COLGALT1: variants seen among roughly 807,000 people sequenced by gnomAD.
The protein encoded by COLGALT1 is collagen beta(1-O)galactosyltransferase 1.
COLGALT1 carries 43 observed loss-of-function variants against 60.8 expected under a neutral mutation model. That is an observed-to-expected ratio of 0.71 (90% CI 0.55 to 0.91). The LOEUF (loss-of-function observed/expected upper bound fraction) is 0.91, where lower values mean the gene tolerates loss of function less well. Ranked by LOEUF, COLGALT1 falls within the 40% of genes least tolerant of loss-of-function variation. The probability of loss-of-function intolerance (pLI) is 0.00; values close to 1 mark genes in which losing one functional copy is unlikely to be tolerated. For missense variants in COLGALT1, 845 were observed against 880.0 expected (o/e 0.96, Z 0.50); for synonymous variants, 369 against 374.2 (o/e 0.99, Z 0.16).
Position 17,577,412 on chromosome 19 carries a change from C to T in COLGALT1, c.1078C>T (p.Arg360Trp), listed in dbSNP as rs756974396. 9.9e-6 allele frequency: 15 copies of T among 1,507,600 alleles called. No homozygotes were observed. Among genetic ancestry groups the T allele is most frequent in the Middle Eastern group, 2.2e-4 (1 of 4,446 alleles). 93.4% of individuals were successfully genotyped at this position (1,507,600 alleles called of 1,614,324 possible). A position where few individuals can be genotyped will look rare whatever the true frequency, so the allele number is the denominator to read the frequency against. ...RRQDRRERML[R>W]ALQAQEIECR... ...GCAGGACCGGCGGGAGCGCATGCTG[C>T]GGGCGCTGCAGGCACAGGAGATCGA... is the stretch of plus-strand genomic sequence containing the variant. Residue 360 changes from arginine to tryptophan, a missense_variant, in exon 8 of 12, where the codon CGG (arginine) becomes TGG (tryptophan). Transcript: ENST00000252599.
chr19:17,581,679 T>C lies in COLGALT1; in HGVS notation c.*235T>C. On this transcript the variant is annotated 3_prime_UTR_variant, in exon 12 of 12. Transcript: ENST00000252599. ...GGGAATTGGGAGGAACCAAGCCCTC[T>C]TCATCTGTTCATGTGCCCAGCATTT... 1 of 584,788 alleles carries C rather than the reference T, an allele frequency of 1.7e-6. No individual in the cohort carries two copies. Among genetic ancestry groups the C allele is most frequent in the Non-Finnish European group, 3.0e-6 (1 of 330,744 alleles). The allele number at this position is 584,788 out of a possible 1,614,324, so 36.2% of individuals were successfully genotyped here. A position where few individuals can be genotyped will look rare whatever the true frequency, so the allele number is the denominator to read the frequency against.
chr19:17,572,539 C>T lies in COLGALT1; in HGVS notation c.886C>T (p.Arg296Cys), dbSNP rs536730145. 126 of 1,614,154 alleles carry T rather than the reference C, an allele frequency of 7.8e-5. 3 individuals carry two copies. The South Asian group carries it at 8.0e-4, about 10-fold the overall frequency. ...GTACGGATTCTTGCCAGTGCCATTG[C>T]GCGCCCACAGCACCCTCCAGGATGA... ...EEYGFLPVPL[R>C]AHSTLQDEAE... Residue 296 changes from arginine (R) to cysteine (C), a missense_variant, in exon 6 of 12, where the codon CGC (arginine) becomes TGC (cysteine). Coordinates refer to ENST00000252599, the MANE Select transcript of COLGALT1 (RefSeq NM_024656.4).
intron 9 of COLGALT1, 80 bp from the exon 10 acceptor site, chr19:17,579,402 C>T: frequency 5.0e-6 from 8 of 1,590,710 alleles, no homozygotes; most frequent in Non-Finnish European, 6.9e-6. Flanking sequence ...TCTTTCAAAC[C>T]TTCTCAAAGC....
intron 8 of COLGALT1, 148 bp downstream of exon 8, chr19:17,577,615 T>A: frequency 2.6e-6 from 2 of 761,596 alleles, no homozygotes; most frequent in Non-Finnish European, 4.1e-6. Context: ...GAAGGGGAAG[T>A]GAATGGGACC....
intron 3 of COLGALT1, among the ~76,000 whole-genome samples, chr19:17,562,036 A>T (rs1273132442): frequency 6.6e-6 from 1 of 152,098 alleles, no homozygotes; most frequent in African/African-American, 2.4e-5. Flanking sequence ...ATGCCTGGCT[A>T]ATTTTTGTAA....
intron 1 of COLGALT1, among the ~76,000 whole-genome samples, chr19:17,558,181 C>G (rs2076224910): frequency 6.6e-6 from 1 of 151,188 alleles, no homozygotes; most frequent in South Asian, 2.1e-4. Context: ...TCAAGTGATT[C>G]ACCCGCCTCG....
chr19:17,564,308 TATATAC>T (rs1156338956), intron 3 of COLGALT1, among the ~76,000 whole-genome samples: 4 of 151,366 alleles, frequency 2.6e-5, no homozygotes, highest in African/African-American at 9.7e-5. Flanking sequence ...CATATATACA[TATATAC>T]GTGTATATGT....
Position 17,582,712 on chromosome 19 carries a change from G to GGA in COLGALT1, c.*1268_*1269insGA, listed in dbSNP as rs2076392086. On this transcript the variant is annotated 3_prime_UTR_variant, in exon 12 of 12. Coordinates refer to ENST00000252599, the MANE Select transcript of COLGALT1 (RefSeq NM_024656.4). ...ATTCTTCCTGTACCCTCGGTCGTCT[G>GGA]AGCTGTGTGCAGACAACATCCCCCC... is the stretch of plus-strand genomic sequence containing the variant. 1 of 152,262 alleles carries GGA rather than the reference G, an allele frequency of 6.6e-6. No individual in the cohort carries two copies. Among genetic ancestry groups the GGA allele is most frequent in the Non-Finnish European group, 1.5e-5 (1 of 68,074 alleles). 9.4% of individuals were successfully genotyped at this position (152,262 alleles called of 1,614,324 possible). A position where few individuals can be genotyped will look rare whatever the true frequency, so the allele number is the denominator to read the frequency against.
rs1160878293 is a variant in COLGALT1 at position 17,578,025 on chromosome 19, A to G, written c.1202A>G (p.His401Arg). The G allele has an allele frequency of 6.2e-7, 1 of 1,611,540 alleles. No individual in the cohort carries two copies. The highest frequency in any genetic ancestry group is 2.2e-5 in the East Asian group (1 of 44,816). The change falls in exon 9 of 12, where the codon CAC (histidine) becomes CGC (arginine). Residue 401 changes from histidine to arginine, a missense_variant. Physicochemically the swap from His to Arg is conservative, Grantham distance 29 (BLOSUM62 0). Coordinates refer to ENST00000252599, the MANE Select transcript of COLGALT1 (RefSeq NM_024656.4). ...CTGCCTGGCTACCGGGACCCCTACC[A>G]CGGCCGGCCCCTCACCAAGGGTGAG... is the stretch of plus-strand genomic sequence containing the variant. ...QMLPGYRDPYHGRPLTKGELG... is the reference protein window; with the variant it reads ...QMLPGYRDPYRGRPLTKGELG...
intron 6 of COLGALT1, among the ~76,000 whole-genome samples, chr19:17,573,040 G>A (rs915756846): frequency 2.6e-5 from 4 of 152,102 alleles, no homozygotes; most frequent in Admixed American, 2.0e-4. Context: ...TTCCCCCTGA[G>A]GACAGTCAGG....
intron 9 of COLGALT1, among the ~76,000 whole-genome samples, chr19:17,578,707 G>A (rs2076360093): frequency 6.6e-6 from 1 of 152,142 alleles, no homozygotes; most frequent in Non-Finnish European, 1.5e-5. Flanking sequence ...GAGCAAAACC[G>A]TGTCTCAGAA....
At chr19:17,576,317 G>A (rs2076339972) in intron 6 of COLGALT1, among the ~76,000 whole-genome samples, 1 of 152,110 alleles carries the variant, frequency 6.6e-6, no homozygotes, top group African/African-American at 2.4e-5. Context: ...GTGGGAGTGG[G>A]GAGGGTGACC....
intron 3 of COLGALT1, among the ~76,000 whole-genome samples, chr19:17,562,525 G>A (rs1433374548): frequency 6.6e-6 from 1 of 152,118 alleles, no homozygotes; most frequent in Non-Finnish European, 1.5e-5. Context: ...AGCTTGGCAT[G>A]GTGATGCGCG....
Position 17,577,376 on chromosome 19 carries a change from C to T in COLGALT1, c.1042C>T (p.Leu348=). The stretch of plus-strand genomic sequence containing the variant: ...CGGGCTGCAGGTCTTCATGATCAAC[C>T]TGAGGCGGCGGCAGGACCGGCGGGA... ...MGFDEVFMIN[L]RRRQDRRERM... is the part of the protein sequence containing the mutation. Residue 348 remains leucine (L), a synonymous_variant, in exon 8 of 12, where the codon CTG becomes TTG. Coordinates refer to ENST00000252599, the MANE Select transcript of COLGALT1 (RefSeq NM_024656.4). 3 of 1,597,792 alleles carry T rather than the reference C, an allele frequency of 1.9e-6. No individual in the cohort carries two copies. The highest frequency in any genetic ancestry group is 1.1e-5 in the South Asian group (1 of 89,456).
At chr19:17,556,068 C>A in intron 1 of COLGALT1, 95 bp downstream of exon 1, 1 of 1,221,014 alleles carries the variant, frequency 8.2e-7, no homozygotes, top group East Asian at 3.2e-5. Flanking sequence ...TGCCCGCTGT[C>A]CTCTTCTGGG....
intron 6 of COLGALT1, among the ~76,000 whole-genome samples, chr19:17,573,845 G>A (rs2076326094): frequency 2.0e-5 from 3 of 151,692 alleles, no homozygotes; most frequent in Admixed American, 2.0e-4. Flanking sequence ...AGCCAGGCGT[G>A]ATGGCACACA....
intron 3 of COLGALT1, among the ~76,000 whole-genome samples, chr19:17,563,106 C>A (rs1015663258): frequency 2.0e-5 from 3 of 151,820 alleles, no homozygotes; most frequent in African/African-American, 7.3e-5. Context: ...CTTTTTTTTC[C>A]CTCAGCAAAC....
In COLGALT1 at chr19:17,581,155, A is replaced by C. The variant is rs771357583; in HGVS notation, c.1602-22A>C. 2.7e-5 allele frequency: 43 copies of C among 1,572,170 alleles called. No individual in the cohort carries two copies. The African/African-American group carries it at 3.5e-4, about 13-fold the overall frequency. On this transcript the variant is annotated intron_variant, in intron 11 of 11. Coordinates refer to ENST00000252599, the MANE Select transcript of COLGALT1 (RefSeq NM_024656.4). ...TCCCCTGAAGCCATTGCTGCCCCTC[A>C]CTCCCCTCCTCCTCCCCCCAGGTCC...
intron 4 of COLGALT1, 47 bp downstream of exon 4, chr19:17,567,587 G>A (rs771759522): frequency 1.3e-6 from 2 of 1,588,156 alleles, no homozygotes; most frequent in Non-Finnish European, 8.6e-7. Context: ...GAGCAGGGGG[G>A]TGCCGTGGCT....
Sources: allele counts gnomAD v4.1 joint callset (sites outside exome capture counted in the v4.1 genomes callset), GRCh38; gene constraint gnomAD v4.1.1; transcripts MANE v1.5; gene names NCBI Gene and HGNC (gene_info 2026-07-23, HGNC 2026-07-21).